Variants in MYO19 observed in about 807,000 individuals in gnomAD.
MYO19 encodes unconventional myosin-XIX.
MYO19 carries 132 observed loss-of-function variants against 129.2 expected under a neutral mutation model. The observed-to-expected ratio is 1.02, with a 90% CI of 0.89 to 1.18. The LOEUF is 1.18. Among genes scored for constraint, MYO19 ranks in the 50% most tolerant of loss-of-function variants. MYO19 has a pLI of 0.00. For synonymous variants in MYO19, 531 were observed against 477.2 expected (o/e 1.11, Z -1.47); for missense variants, 1,210 against 1,216.7 (o/e 0.99, Z 0.08).
Position 36,495,884 on chromosome 17 carries a change from A to G in MYO19, c.*367T>C. 1 of 1,234,834 alleles carries G rather than the reference A, an allele frequency of 8.1e-7. No individual in the cohort carries two copies. Among genetic ancestry groups the G allele is most frequent in the Non-Finnish European group, 1.0e-6 (1 of 988,254 alleles). 76.5% of individuals were successfully genotyped at this position (1,234,834 alleles called of 1,614,324 possible). ...TTTCCCAGCCCAAATTCCAGCGCCA[A>G]TTTTAGGCCAACTTTGGCTGTTTTC... On this transcript the variant is annotated 3_prime_UTR_variant, in exon 26 of 26. Transcript: ENST00000614623.
At chr17:36,516,997 G>T (rs2072797363) in intron 6 of MYO19, among the ~76,000 whole-genome samples, 2 of 152,270 alleles carry the variant, frequency 1.3e-5, no homozygotes, top group Non-Finnish European at 2.9e-5. Context: ...TTCTCTGTGG[G>T]AGGGCTTTTA....
At chr17:36,532,394 AAAAGGCACTGGAGAGACAATTTGAGG>A in intron 3 of MYO19, 107 bp downstream of exon 3, 1 of 1,075,104 alleles carries the variant, frequency 9.3e-7, no homozygotes, top group Non-Finnish European at 1.4e-6. Context: ...GATGATGAGT[AAAAGGCACTGGAGAGACAATTTGAGG>A]AGAGAAAAGA....
In MYO19 at chr17:36,519,290, T is replaced by C. The variant is rs564823859; in HGVS notation, c.415-3300A>G. Among the ~76,000 whole-genome samples the C allele has an allele frequency of 2.6e-5, 4 of 152,350 alleles. No homozygotes were observed. The South Asian group carries it at 8.3e-4, about 32-fold the overall frequency. The stretch of plus-strand genomic sequence containing the variant: ...TTAGGTACACACCTGTTTAGAACTG[T>C]TTTCTTGATGAATTCACCCATTTAT... On this transcript the variant is annotated intron_variant, in intron 6 of 25. Transcript: ENST00000614623.
rs770067846 is a variant in MYO19 at position 36,506,447 on chromosome 17, C to T, written c.1797+9G>A. ...AACCAAGCACCTCCCATCAGCACAT[C>T]AGACCCACCTTGAACTTGGACACCA... On this transcript the variant is annotated intron_variant, in intron 18 of 25. Transcript: ENST00000614623. 13 of 1,613,762 alleles carry T rather than the reference C, an allele frequency of 8.1e-6. No homozygotes were observed. Among genetic ancestry groups the T allele is most frequent in the Non-Finnish European group, 1.1e-5 (13 of 1,179,858 alleles).
At chr17:36,529,709 GA>G (rs954236457) in intron 3 of MYO19, among the ~76,000 whole-genome samples, 12 of 150,262 alleles carry the variant, frequency 8.0e-5, no homozygotes, top group South Asian at 2.1e-4. Context: ...TTATGAAGGG[GA>G]AAAAAAAACC....
intron 6 of MYO19, among the ~76,000 whole-genome samples, chr17:36,523,164 G>A (rs555817947): frequency 3.1e-4 from 45 of 146,300 alleles, no homozygotes; most frequent in African/African-American, 1.1e-3. Context: ...TCCAGCCTGG[G>A]CAACAGAAAC....
chr17:36,496,484 C>A (rs2070987964), intron 25 of MYO19, 78 bp from the exon 26 acceptor site: 2 of 1,420,048 alleles, frequency 1.4e-6, no homozygotes, highest in Non-Finnish European at 2.0e-6. Flanking sequence ...AGAGCAGACG[C>A]TAAAAATGCA....
intron 2 of MYO19, among the ~76,000 whole-genome samples, chr17:36,532,987 C>T (rs1405201267): frequency 2.6e-5 from 4 of 152,124 alleles, no homozygotes; most frequent in Admixed American, 2.6e-4. Flanking sequence ...GCCTTGTGCC[C>T]TATCCTCTAC....
intron 25 of MYO19, among the ~76,000 whole-genome samples, chr17:36,497,319 TGAAA>T (rs1323917709): frequency 1.5e-5 from 2 of 133,908 alleles, no homozygotes; most frequent in African/African-American, 6.0e-5. Flanking sequence ...TTAAATAACA[TGAAA>T]AAAAAAAAAA....
chr17:36,496,738 A>C (rs755848210), intron 25 of MYO19, among the ~76,000 whole-genome samples: 6 of 152,062 alleles, frequency 3.9e-5, no homozygotes. Context: ...CTCTGAATGG[A>C]AATTTGGTGT....
intron 22 of MYO19, 48 bp from the exon 23 acceptor site, chr17:36,501,007 C>G (rs752401345): frequency 1.3e-5 from 21 of 1,604,192 alleles, no homozygotes; most frequent in Middle Eastern, 1.7e-4. Flanking sequence ...CCCCCTGCCC[C>G]CTCCTGCTGA....
At chr17:36,506,116 G>A (rs1261567486) in intron 18 of MYO19, among the ~76,000 whole-genome samples, 5 of 152,126 alleles carry the variant, frequency 3.3e-5, no homozygotes, top group African/African-American at 1.2e-4. Flanking sequence ...AGTGAGTGAG[G>A]GTAGGGTTAG....
chr17:36,541,430 A>G (rs533989769), intron 2 of MYO19, among the ~76,000 whole-genome samples: 2 of 152,274 alleles, frequency 1.3e-5, no homozygotes, highest in Non-Finnish European at 2.9e-5. Flanking sequence ...AAGCTAAGAC[A>G]TAATAAGGAA....
chr17:36,499,209 G>A (rs1206726798), intron 23 of MYO19, 49 bp from the exon 24 acceptor site: 1 of 1,442,394 alleles, frequency 6.9e-7, no homozygotes, highest in Admixed American at 1.9e-5. Context: ...GGGGCCATTA[G>A]AGCTGTCAGT....
intron 5 of MYO19, 40 bp downstream of exon 5, chr17:36,527,511 T>C (rs1363330318): frequency 2.5e-6 from 4 of 1,597,970 alleles, no homozygotes; most frequent in African/African-American, 2.7e-5. Flanking sequence ...TAGCGGGAGG[T>C]AGAGGAGCCC....
intron 6 of MYO19, among the ~76,000 whole-genome samples, chr17:36,516,508 T>C (rs918599597): frequency 3.3e-5 from 5 of 152,076 alleles, no homozygotes; most frequent in African/African-American, 7.2e-5. Context: ...GTAGCTAGGA[T>C]TACAGGCGCA....
At position 36,501,092 on chromosome 17, in the gene MYO19, T is replaced by C. The variant is rs1450640250; in HGVS notation, c.2224A>G (p.Lys742Glu). The change falls in exon 22 of 26, where the codon AAG (lysine) becomes GAG (glutamate). Residue 742 changes from lysine (K) to glutamate (E), a missense_variant. Physicochemically the swap from Lys to Glu is moderately conservative, Grantham distance 56. Transcript: ENST00000614623. ...ACCATAGAGTCAGTCATGAACACCT[T>C]GGTCCTGCCACAGTGCATGGGGGCT... ...MPAPMHCGRT[K>E]VFMTDSMLEL... is the part of the protein sequence containing the mutation. The C allele has an allele frequency of 6.2e-6, 10 of 1,613,476 alleles. No homozygotes were observed. Among genetic ancestry groups the C allele is most frequent in the Non-Finnish European group, 8.5e-6 (10 of 1,179,660 alleles).
At chr17:36,504,550 T>A (rs1453117323) in intron 19 of MYO19, 1 of 156,328 alleles carries the variant, frequency 6.4e-6, no homozygotes, top group Admixed American at 6.2e-5. Context: ...CTCATCCACA[T>A]CCCTCAGAAC....
intron 6 of MYO19, among the ~76,000 whole-genome samples, chr17:36,518,580 A>G (rs1373747805): frequency 7.1e-6 from 1 of 140,692 alleles, no homozygotes; most frequent in East Asian, 2.0e-4. Flanking sequence ...ATGTATATAC[A>G]TAAAAGTATG....
Sources: allele counts gnomAD v4.1 joint callset (sites outside exome capture counted in the v4.1 genomes callset), GRCh38; gene constraint gnomAD v4.1.1; transcripts MANE v1.5; gene names NCBI Gene and HGNC (gene_info 2026-07-23, HGNC 2026-07-21).